CAMTA1: variants seen among roughly 807,000 people sequenced by gnomAD.
CAMTA1 encodes the protein calmodulin-binding transcription activator 1.
A neutral mutation model predicts 170.9 loss-of-function variants in CAMTA1; 27 were observed. The observed-to-expected ratio is 0.16, with a 90% CI of 0.12 to 0.22. CAMTA1 has a LOEUF of 0.22. CAMTA1 is among the 10% of genes least tolerant of loss of function. The pLI is 1.00. For synonymous variants in CAMTA1, 833 were observed against 891.5 expected, an observed-to-expected ratio of 0.93 and a Z score of 1.17; for missense variants, 1,619 against 2,217.2, an observed-to-expected ratio of 0.73 and a Z score of 5.42.
At chr1:6,906,762 A>C (rs1557803639) in intron 3 of CAMTA1, among the ~76,000 whole-genome samples, 1 of 152,228 alleles carries the variant, frequency 6.6e-6, no homozygotes, top group Non-Finnish European at 1.5e-5. Flanking sequence ...CGAGTGCAGC[A>C]GTCTTTTCCC....
chr1:7,163,061 T>C (rs1420444193), intron 4 of CAMTA1, among the ~76,000 whole-genome samples: 1 of 151,736 alleles, frequency 6.6e-6, no homozygotes, highest in Non-Finnish European at 1.5e-5. Flanking sequence ...CCTTCAAGAT[T>C]GTGTAACAAT....
At position 7,455,021 on chromosome 1, in the gene CAMTA1, C is replaced by T. The variant is rs912587802; in HGVS notation, c.439-12809C>T. Among the ~76,000 whole-genome samples, 6 of 152,186 alleles carry T rather than the reference C, an allele frequency of 3.9e-5. No individual in the cohort carries two copies. The highest frequency in any genetic ancestry group is 2.1e-4 in the South Asian group (1 of 4,824). Reference sequence around the variant, plus strand: ...TCAGCTGGGGTTCATCCCCCTGCTCCGTGCCAGAGCCTCGGAGGTTCCGAT... The same window carrying T: ...TCAGCTGGGGTTCATCCCCCTGCTCTGTGCCAGAGCCTCGGAGGTTCCGAT... On this transcript the variant is annotated intron_variant, in intron 5 of 22. Transcript: ENST00000303635. This position sits in a 1 kb window ranked among gnomAD's most constrained non-coding sequence, Gnocchi z 5.0.
At chr1:6,985,213 C>T (rs2100284631) in intron 3 of CAMTA1, among the ~76,000 whole-genome samples, 1 of 152,180 alleles carries the variant, frequency 6.6e-6, no homozygotes, top group East Asian at 1.9e-4. Context: ...AGGAAGAGAA[C>T]TGCAGCTGTA....
intron 4 of CAMTA1, among the ~76,000 whole-genome samples, chr1:7,233,837 T>G (rs924877274): frequency 6.6e-6 from 1 of 152,174 alleles, no homozygotes; most frequent in African/African-American, 2.4e-5. Flanking sequence ...TTTTACTCTC[T>G]TTAATCCCTC....
intron 4 of CAMTA1, among the ~76,000 whole-genome samples, chr1:7,187,516 A>C (rs984278051): frequency 6.6e-6 from 1 of 152,214 alleles, no homozygotes; most frequent in Non-Finnish European, 1.5e-5. Flanking sequence ...TGGATCATAA[A>C]ATCTAAACAG....
chr1:7,739,555 A>G (rs1270280746), intron 16 of CAMTA1, among the ~76,000 whole-genome samples: 1 of 152,078 alleles, frequency 6.6e-6, no homozygotes, highest in African/African-American at 2.4e-5. Flanking sequence ...GGTTTAATGG[A>G]CTTACAGTTC....
At chr1:6,832,858 A>C (rs965100828) in intron 3 of CAMTA1, among the ~76,000 whole-genome samples, 4 of 152,214 alleles carry the variant, frequency 2.6e-5, no homozygotes, top group African/African-American at 9.7e-5. Context: ...TGAACACAGT[A>C]TATAGTACGA....
At chr1:7,091,260 T>G in intron 3 of CAMTA1, 44 bp from the exon 4 acceptor site, 1 of 1,404,122 alleles carries the variant, frequency 7.1e-7, no homozygotes, top group Non-Finnish European at 1.0e-6. Flanking sequence ...CAGGATCCAA[T>G]GTGAGCTAAT....
At chr1:7,395,414 GTTCCA>G (rs1001458400) in intron 5 of CAMTA1, among the ~76,000 whole-genome samples, 3 of 151,984 alleles carry the variant, frequency 2.0e-5, no homozygotes, top group Admixed American at 6.6e-5. Context: ...TCTCTATTCT[GTTCCA>G]TTCGTCTATA....
At chr1:7,745,452 A>G (rs565202786) in intron 17 of CAMTA1, among the ~76,000 whole-genome samples, 1 of 152,194 alleles carries the variant, frequency 6.6e-6, no homozygotes, top group East Asian at 1.9e-4. Flanking sequence ...CTTGAACCCA[A>G]GAGGCGGAGG....
rs1284997473 is a variant in CAMTA1 at position 7,609,571 on chromosome 1, C to T, written c.511-30829C>T. On this transcript the variant is annotated intron_variant, in intron 6 of 22. Coordinates refer to ENST00000303635, the MANE Select transcript of CAMTA1 (RefSeq NM_015215.4). The surrounding 1 kb of genome is among the most constrained non-coding windows in gnomAD (Gnocchi z 4.4). ...TCCAGTCCAGCCCTGCAGGAGTGAG[C>T]CAGCCTCAGCCAGGCCATGGCACAA... Among the ~76,000 whole-genome samples, 1 of 152,200 alleles carries T rather than the reference C, an allele frequency of 6.6e-6. No homozygotes were observed. The highest frequency in any genetic ancestry group is 1.5e-5 in the Non-Finnish European group (1 of 68,024).
chr1:6,813,274 G>A (rs1371215929), intron 1 of CAMTA1, among the ~76,000 whole-genome samples: 2 of 152,020 alleles, frequency 1.3e-5, no homozygotes, highest in African/African-American at 2.4e-5. Context: ...TCATAAAATC[G>A]TTAACCTGAT....
intron 11 of CAMTA1, among the ~76,000 whole-genome samples, chr1:7,714,263 G>A (rs956284763): frequency 6.6e-6 from 1 of 152,130 alleles, no homozygotes; most frequent in African/African-American, 2.4e-5. Context: ...ACTATAGAAA[G>A]CTTTTCCTTC....
At chr1:7,421,858 G>A (rs1199813542) in intron 5 of CAMTA1, among the ~76,000 whole-genome samples, 1 of 151,842 alleles carries the variant, frequency 6.6e-6, no homozygotes, top group Non-Finnish European at 1.5e-5. Context: ...GGGCACTGGG[G>A]CATGACCCAG....
At chr1:6,966,147 A>G (rs1691500465) in intron 3 of CAMTA1, among the ~76,000 whole-genome samples, 2 of 152,226 alleles carry the variant, frequency 1.3e-5, no homozygotes, top group Admixed American at 6.5e-5. Flanking sequence ...ACACCAGGAC[A>G]AACAGGAATT....
At chr1:7,508,895 A>G (rs1198371075) in intron 6 of CAMTA1, among the ~76,000 whole-genome samples, 1 of 152,212 alleles carries the variant, frequency 6.6e-6, no homozygotes, top group Non-Finnish European at 1.5e-5. Context: ...TGATTTCTGC[A>G]ACTCACTCAG....
At chr1:7,302,030 T>C (rs1557473340) in intron 5 of CAMTA1, among the ~76,000 whole-genome samples, 1 of 152,096 alleles carries the variant, frequency 6.6e-6, no homozygotes, top group Admixed American at 6.5e-5. Flanking sequence ...GAATAAAAAC[T>C]CGATCAGGAC....
intron 3 of CAMTA1, among the ~76,000 whole-genome samples, chr1:7,057,805 A>G (rs940041449): frequency 1.3e-5 from 2 of 151,912 alleles, no homozygotes; most frequent in Non-Finnish European, 2.9e-5. Flanking sequence ...CAGTTAGGAG[A>G]CCTCCGCTTT....
At chr1:7,131,749 C>T (rs555021443) in intron 4 of CAMTA1, among the ~76,000 whole-genome samples, 3 of 152,094 alleles carry the variant, frequency 2.0e-5, no homozygotes, top group African/African-American at 7.2e-5. Flanking sequence ...GTATTCAAAT[C>T]AGGGGTGTAC....
Sources: allele counts gnomAD v4.1 joint callset (sites outside exome capture counted in the v4.1 genomes callset), GRCh38; gene constraint gnomAD v4.1.1; non-coding constraint Gnocchi (gnomAD v3.1); transcripts MANE v1.5; gene names NCBI Gene and HGNC (gene_info 2026-07-23, HGNC 2026-07-21).